The following OMA1 variants were observed in gnomAD, a reference collection of about 807,000 sequenced individuals.
The protein encoded by OMA1 is metalloendopeptidase OMA1, mitochondrial.
OMA1 carries 38 observed loss-of-function variants against 30.9 expected under a neutral mutation model. The ratio of observed to expected loss-of-function variants is 1.23; its 90% CI spans 0.95 to 1.61. The LOEUF (loss-of-function observed/expected upper bound fraction) is 1.61, where lower values mean the gene tolerates loss of function less well. OMA1 is among the 40% of genes most tolerant of loss of function. The pLI is 0.00. For missense variants in OMA1, 461 were observed against 349.2 expected (o/e 1.32, Z -2.55); for synonymous variants, 173 against 121.9 (o/e 1.42, Z -2.76).
intron 8 of OMA1, among the ~76,000 whole-genome samples, chr1:58,492,115 C>A (rs1270367378): frequency 1.3e-5 from 2 of 152,180 alleles, no homozygotes; most frequent in Non-Finnish European, 2.9e-5. Flanking sequence ...GAAACCCACT[C>A]AAAACCACTC....
At chr1:58,522,854 TA>T (rs1646288557) in intron 7 of OMA1, among the ~76,000 whole-genome samples, 1 of 152,202 alleles carries the variant, frequency 6.6e-6, no homozygotes, top group Non-Finnish European at 1.5e-5. Context: ...TGGATCATCA[TA>T]AATGTCTCCA....
In OMA1 at chr1:58,538,029, A is replaced by T. The variant is rs184591098; in HGVS notation, c.500+766T>A. On this transcript the variant is annotated intron_variant, in intron 2 of 8. Coordinates refer to ENST00000371226, the MANE Select transcript of OMA1 (RefSeq NM_145243.5). The stretch of plus-strand genomic sequence containing the variant: ...TATCGCTTTTGGGTGCCAACACCAA[A>T]TCATGAAAAACACAATAAGTTACAA... 2.1e-4 allele frequency among the ~76,000 whole-genome samples: 32 copies of T among 152,348 alleles called. 1 individual carries two copies. Among genetic ancestry groups the T allele is most frequent in the Admixed American group, 1.0e-3 (16 of 15,298 alleles).
At chr1:58,481,739 C>T (rs555267503) in intron 8 of OMA1, among the ~76,000 whole-genome samples, 1 of 152,192 alleles carries the variant, frequency 6.6e-6, no homozygotes, top group East Asian at 1.9e-4. Context: ...GGGTGTTTCC[C>T]GTGCTGTTCT....
At chr1:58,529,193 A>C (rs1646395724) in intron 6 of OMA1, among the ~76,000 whole-genome samples, 1 of 152,196 alleles carries the variant, frequency 6.6e-6, no homozygotes, top group Non-Finnish European at 1.5e-5. Flanking sequence ...TGAATAATAG[A>C]CTTAGTTATC....
At position 58,493,611 on chromosome 1, in the gene OMA1, T is replaced by A. The variant is rs561687535; in HGVS notation, c.1366-12437A>T. On this transcript the variant is annotated intron_variant, in intron 8 of 8. Transcript: ENST00000371226. ...AATGTGCAAAAATCACAAGCATTCT[T>A]ATACACCAATAACAGACAAACAGAG... is the stretch of plus-strand genomic sequence containing the variant. 4.1e-4 allele frequency among the ~76,000 whole-genome samples: 62 copies of A among 151,654 alleles called. 1 individual carries two copies. Among genetic ancestry groups the A allele is most frequent in the South Asian group, 1.9e-3 (9 of 4,786 alleles).
intron 8 of OMA1, among the ~76,000 whole-genome samples, chr1:58,503,073 A>C (rs1241159765): frequency 1.3e-5 from 2 of 152,228 alleles, no homozygotes; most frequent in African/African-American, 4.8e-5. Flanking sequence ...GATGCTCAGT[A>C]ATTTGATGAT....
chr1:58,534,621 C>T (rs535061794), intron 3 of OMA1, among the ~76,000 whole-genome samples: 18 of 152,142 alleles, frequency 1.2e-4, no homozygotes, highest in Non-Finnish European at 2.2e-4. Flanking sequence ...ATTATTTCTA[C>T]TTTCCTAAAC....
intron 8 of OMA1, among the ~76,000 whole-genome samples, chr1:58,503,423 C>T (rs148668547): frequency 1.2e-3 from 187 of 152,176 alleles, no homozygotes; most frequent in African/African-American, 4.3e-3. Flanking sequence ...AATTTCACTG[C>T]TATTTCTTTC....
chr1:58,535,122 T>G (rs1646496108), intron 3 of OMA1, among the ~76,000 whole-genome samples: 2 of 152,148 alleles, frequency 1.3e-5, no homozygotes, highest in South Asian at 4.1e-4. Flanking sequence ...GAAAGGAAAT[T>G]ACTGAATTCT....
At chr1:58,494,617 C>A (rs1645762623) in intron 8 of OMA1, among the ~76,000 whole-genome samples, 2 of 152,036 alleles carry the variant, frequency 1.3e-5, no homozygotes, top group Admixed American at 6.5e-5. Flanking sequence ...AGGATATGAA[C>A]AGACACTTCT....
intron 7 of OMA1, among the ~76,000 whole-genome samples, chr1:58,521,573 G>T (rs1569942931): frequency 6.6e-6 from 1 of 151,962 alleles, no homozygotes; most frequent in East Asian, 1.9e-4. Flanking sequence ...ATTAACAAAG[G>T]GGACATTTAA....
At chr1:58,484,341 T>C (rs988571295) in intron 8 of OMA1, among the ~76,000 whole-genome samples, 4 of 152,226 alleles carry the variant, frequency 2.6e-5, no homozygotes, top group African/African-American at 7.2e-5. Context: ...CAAAATAGAA[T>C]GATCTGATCA....
chr1:58,544,877 A>T (rs190091651), intron 1 of OMA1, among the ~76,000 whole-genome samples: 117 of 152,306 alleles, frequency 7.7e-4, no homozygotes, highest in African/African-American at 2.6e-3. Flanking sequence ...TATAGGCCTG[A>T]GCCACCGCAC....
chr1:58,524,811 A>C (rs1389824103), intron 7 of OMA1, among the ~76,000 whole-genome samples: 1 of 152,222 alleles, frequency 6.6e-6, no homozygotes, highest in African/African-American at 2.4e-5. Context: ...AGGTGTTTAC[A>C]GTATTGCACT....
rs769363294 is a variant in OMA1 at position 58,533,994 on chromosome 1, G to C, written c.970C>G (p.Leu324Val). Residue 324 changes from leucine (L) to valine (V), a missense_variant, in exon 5 of 9, where the codon CTT (leucine) becomes GTT (valine). By Grantham distance (32) the Leu-to-Val change is conservative. Transcript: ENST00000371226. ...SVTDIHQLSF[L>V]LGHEIAHAVL... ...GCATGTGCTATTTCATGGCCCAGAA[G>C]GAAAGAAAGTTGATGAATATCGGTT... The C allele has an allele frequency of 5.7e-6, 5 of 871,368 alleles. No homozygotes were observed. The African/African-American group carries it at 6.5e-5, about 11-fold the overall frequency. The allele number at this position is 871,368 out of a possible 1,614,324, so 54.0% of individuals were successfully genotyped here.
Position 58,480,946 on chromosome 1 carries a change from G to T in OMA1, c.*19C>A. 3 of 844,720 alleles carry T rather than the reference G, an allele frequency of 3.6e-6. No individual in the cohort carries two copies. The highest frequency in any genetic ancestry group is 2.9e-4 in the Middle Eastern group (1 of 3,400). 52.3% of individuals were successfully genotyped at this position (844,720 alleles called of 1,614,324 possible). A position where few individuals can be genotyped will look rare whatever the true frequency, so the allele number is the denominator to read the frequency against. On this transcript the variant is annotated 3_prime_UTR_variant, in exon 9 of 9. Transcript: ENST00000371226. ...GACTGCAACATTCTTCATATATCTT[G>T]TGTCTCATAAATTTTAATTCAACTG... is the stretch of plus-strand genomic sequence containing the variant.
intron 3 of OMA1, among the ~76,000 whole-genome samples, chr1:58,534,673 G>A (rs879447617): frequency 3.3e-5 from 5 of 152,186 alleles, no homozygotes; most frequent in Admixed American, 1.3e-4. Flanking sequence ...GATGGCTCAC[G>A]CCTGTAATCC....
chr1:58,533,206 C>T (rs956917465), intron 5 of OMA1, among the ~76,000 whole-genome samples: 3 of 152,160 alleles, frequency 2.0e-5, no homozygotes, highest in Non-Finnish European at 4.4e-5. Flanking sequence ...CAGGAGCATA[C>T]ATCAACTTGA....
In OMA1 at chr1:58,534,033, A is replaced by C. The variant is rs1467946712; in HGVS notation, c.931T>G (p.Phe311Val). The change falls in exon 5 of 9, where the codon TTT becomes GTT. Residue 311 changes from phenylalanine (F) to valine (V), a missense_variant. Physicochemically the swap from Phe to Val is conservative, Grantham distance 50. Transcript: ENST00000371226. ...TGAATATCGGTTACACTATTTAAAA[A>C]TCCAGTGAAAACAAACATTTGTCCA... ...PNGQMFVFTG[F>V]LNSVTDIHQL... 2.3e-6 allele frequency: 2 copies of C among 871,054 alleles called. No homozygotes were observed. Among genetic ancestry groups the C allele is most frequent in the Non-Finnish European group, 4.0e-6 (2 of 501,292 alleles). The allele number at this position is 871,054 out of a possible 1,614,324, so 54.0% of individuals were successfully genotyped here. A position where few individuals can be genotyped will look rare whatever the true frequency, so the allele number is the denominator to read the frequency against.
Sources: allele counts gnomAD v4.1 joint callset (sites outside exome capture counted in the v4.1 genomes callset), GRCh38; gene constraint gnomAD v4.1.1; transcripts MANE v1.5; gene names NCBI Gene and HGNC (gene_info 2026-07-23, HGNC 2026-07-21).